Variants in GRM5 observed in about 807,000 individuals in gnomAD.
GRM5 encodes metabotropic glutamate receptor 5.
A neutral mutation model predicts 83.1 loss-of-function variants in GRM5; 19 were observed. That is an observed-to-expected ratio of 0.23 (90% CI 0.16 to 0.34). GRM5 has a LOEUF of 0.34. GRM5 is among the 10% of genes least tolerant of loss of function. The probability of loss-of-function intolerance (pLI) is 1.00; values close to 1 mark genes in which losing one functional copy is unlikely to be tolerated. For missense variants in GRM5, 1,160 were observed against 1,588.3 expected, an observed-to-expected ratio of 0.73 and a Z score of 4.58; for synonymous variants, 675 against 633.6, an observed-to-expected ratio of 1.07 and a Z score of -0.98.
intron 3 of GRM5, among the ~76,000 whole-genome samples, chr11:88,768,683 T>C (rs891374606): frequency 4.0e-5 from 6 of 151,434 alleles, no homozygotes; most frequent in Non-Finnish European, 8.8e-5. Context: ...ATCACACTGG[T>C]CCTTATATGA....
At chr11:88,985,550 T>TA (rs57923958) in intron 2 of GRM5, among the ~76,000 whole-genome samples, 2,084 of 151,962 alleles carry the variant, frequency 0.014, 62 homozygotes, top group African/African-American at 0.048. Flanking sequence ...CTTTCTGACA[T>TA]AAAAAAAATT....
chr11:88,710,007 A>T (rs988982175), intron 3 of GRM5, among the ~76,000 whole-genome samples: 4 of 152,110 alleles, frequency 2.6e-5, no homozygotes, highest in Admixed American at 2.6e-4. Context: ...CAGAGGGAAA[A>T]TGCTGGGTAT....
intron 2 of GRM5, among the ~76,000 whole-genome samples, chr11:88,875,561 T>A (rs1341219432): frequency 6.6e-6 from 1 of 152,086 alleles, no homozygotes; most frequent in Non-Finnish European, 1.5e-5. Context: ...AAATGTTGAA[T>A]CCTTTCCCAG....
intron 3 of GRM5, among the ~76,000 whole-genome samples, chr11:88,698,125 A>G (rs1223913721): frequency 6.6e-6 from 1 of 152,184 alleles, no homozygotes; most frequent in Non-Finnish European, 1.5e-5. Context: ...TAGCTAGGGA[A>G]ACTTTTAAAA....
chr11:88,707,035 T>TC (rs1941176882), intron 3 of GRM5, among the ~76,000 whole-genome samples: 1 of 152,042 alleles, frequency 6.6e-6, no homozygotes, highest in South Asian at 2.1e-4. Flanking sequence ...AAGGAATGAT[T>TC]CTGCATCGCT....
intron 2 of GRM5, among the ~76,000 whole-genome samples, chr11:88,896,056 T>G (rs1945223927): frequency 6.6e-6 from 1 of 151,994 alleles, no homozygotes; most frequent in African/African-American, 2.4e-5. Context: ...TATTATTAAC[T>G]GCCTATTAGA....
Position 88,642,825 on chromosome 11 carries a change from C to T in GRM5, c.1147+10343G>A, listed in dbSNP as rs538781904. Among the ~76,000 whole-genome samples, 11 of 152,176 alleles carry T rather than the reference C, an allele frequency of 7.2e-5. No homozygotes were observed. In the East Asian group the frequency reaches 7.7e-4, roughly 11 times the overall value. On this transcript the variant is annotated intron_variant, in intron 4 of 9. Transcript: ENST00000305447. The stretch of plus-strand genomic sequence containing the variant: ...CTTAATTTCTATCTGAGACTTTATC[C>T]GCCTGAATTTCACTGTCCGTATCAC...
chr11:89,012,193 G>A (rs34802390), intron 2 of GRM5, among the ~76,000 whole-genome samples: 2,930 of 152,288 alleles, frequency 0.019, 41 homozygotes, highest in Middle Eastern at 0.068. Flanking sequence ...AGAAGACATT[G>A]AAGATAAAAA....
At chr11:88,792,914 A>T (rs889974912) in intron 3 of GRM5, among the ~76,000 whole-genome samples, 2 of 152,164 alleles carry the variant, frequency 1.3e-5, no homozygotes, top group Non-Finnish European at 1.5e-5. Flanking sequence ...CTTGTGGCCC[A>T]TGTAAGATGG....
At chr11:89,062,040 T>C (rs1942005634) in intron 1 of GRM5, among the ~76,000 whole-genome samples, 1 of 152,212 alleles carries the variant, frequency 6.6e-6, no homozygotes, top group Non-Finnish European at 1.5e-5. Flanking sequence ...TGACAAGATT[T>C]CACAGGGAGA....
At chr11:88,637,770 A>G (rs374097719) in intron 4 of GRM5, among the ~76,000 whole-genome samples, 50 of 149,174 alleles carry the variant, frequency 3.4e-4, no homozygotes, top group African/African-American at 1.2e-3. Context: ...ATCTAGAACT[A>G]GAAATACCAT....
chr11:89,052,991 A>G (rs1941792471), intron 1 of GRM5, among the ~76,000 whole-genome samples: 2 of 152,150 alleles, frequency 1.3e-5, no homozygotes, highest in African/African-American at 4.8e-5. Context: ...ACTTTATAAC[A>G]CATTGTTTTA....
chr11:88,812,052 A>C (rs1391742537), intron 3 of GRM5, among the ~76,000 whole-genome samples: 1 of 152,200 alleles, frequency 6.6e-6, no homozygotes, highest in African/African-American at 2.4e-5. Flanking sequence ...TGGTTACAAA[A>C]GGAAGGTGAA....
rs548057426 is a variant in GRM5, at chr11:88,958,985, T to C, written c.661+88227A>G. 5.9e-5 allele frequency among the ~76,000 whole-genome samples: 9 copies of C among 152,258 alleles called. No homozygotes were observed. The South Asian group carries it at 1.9e-3, about 32-fold the overall frequency. On this transcript the variant is annotated intron_variant, in intron 2 of 9. Coordinates refer to ENST00000305447, the MANE Select transcript of GRM5 (RefSeq NM_001143831.3). ...TTCATAGAAGATAGTTGGATTTTTA[T>C]AGCTATCGCATTTAAAATGCTGTGA...
At chr11:88,787,925 A>C (rs2135471212) in intron 3 of GRM5, among the ~76,000 whole-genome samples, 1 of 152,326 alleles carries the variant, frequency 6.6e-6, no homozygotes, top group Non-Finnish European at 1.5e-5. Context: ...TCACGTAGGC[A>C]GGTCAATACA....
chr11:88,675,044 A>G (rs987132720), intron 3 of GRM5, among the ~76,000 whole-genome samples: 1 of 151,894 alleles, frequency 6.6e-6, no homozygotes, highest in Non-Finnish European at 1.5e-5. Context: ...TATGGTACCA[A>G]TGTTCACTTC....
At chr11:88,627,759 A>G (rs1938843311) in intron 4 of GRM5, among the ~76,000 whole-genome samples, 1 of 152,058 alleles carries the variant, frequency 6.6e-6, no homozygotes, top group Admixed American at 6.6e-5. Flanking sequence ...CCTAACAATA[A>G]CTTCTGTGAC....
chr11:88,738,507 G>A (rs1941964312), intron 3 of GRM5, among the ~76,000 whole-genome samples: 1 of 152,074 alleles, frequency 6.6e-6, no homozygotes. Context: ...AATGTGAAGA[G>A]CTCTGAGTTC....
chr11:88,833,178 C>A (rs1351342727), intron 3 of GRM5, among the ~76,000 whole-genome samples: 1 of 151,936 alleles, frequency 6.6e-6, no homozygotes, highest in Non-Finnish European at 1.5e-5. Flanking sequence ...GAAGAGATAA[C>A]CTGTTGAATG....
Sources: allele counts gnomAD v4.1 joint callset (sites outside exome capture counted in the v4.1 genomes callset), GRCh38; gene constraint gnomAD v4.1.1; transcripts MANE v1.5; gene names NCBI Gene and HGNC (gene_info 2026-07-23, HGNC 2026-07-21).